Variants in LIMS1 observed in about 807,000 individuals in gnomAD.
LIMS1 encodes the protein LIM zinc finger domain containing 1, also known as LIM and senescent cell antigen-like-containing domain protein 1.
A neutral mutation model predicts 44.1 loss-of-function variants in LIMS1; 18 were observed. The ratio of observed to expected loss-of-function variants is 0.41; its 90% CI spans 0.28 to 0.61. LIMS1 has a LOEUF of 0.61. Ranked by LOEUF, LIMS1 falls within the 20% of genes least tolerant of loss-of-function variation. The probability of loss-of-function intolerance (pLI) is 0.32; values close to 1 mark genes in which losing one functional copy is unlikely to be tolerated. For missense variants in LIMS1, 201 were observed against 422.0 expected, an observed-to-expected ratio of 0.48 and a Z score of 4.59; for synonymous variants, 93 against 149.1, an observed-to-expected ratio of 0.62 and a Z score of 2.74.
exon 9 of LIMS1, chr2:108,680,738 C>T: frequency 6.2e-7 from 1 of 1,610,576 alleles, no homozygotes; most frequent in Non-Finnish European, 8.5e-7. Flanking sequence ...ACTGCTTTGC[C>T]TGTTCTACCT....
chr2:108,537,165 C>T (rs1328563897), intron 1 of LIMS1, among the ~76,000 whole-genome samples: 1 of 152,208 alleles, frequency 6.6e-6, no homozygotes, highest in Admixed American at 6.5e-5. Context: ...TGTGTCAACA[C>T]AGTCCACAAT....
chr2:108,584,254 A>G (rs1686007235), intron 1 of LIMS1, among the ~76,000 whole-genome samples: 1 of 152,194 alleles, frequency 6.6e-6, no homozygotes, highest in Admixed American at 6.5e-5. Flanking sequence ...GGCTTAGGGT[A>G]ACAGAGGAAA....
chr2:108,646,541 A>G (rs765904254), intron 1 of LIMS1, among the ~76,000 whole-genome samples: 1 of 152,236 alleles, frequency 6.6e-6, no homozygotes, highest in East Asian at 1.9e-4. Context: ...AAGATCTAAA[A>G]TCGACACCCT....
At chr2:108,541,254 A>C (rs1179302645) in intron 1 of LIMS1, among the ~76,000 whole-genome samples, 1 of 152,174 alleles carries the variant, frequency 6.6e-6, no homozygotes, top group African/African-American at 2.4e-5. Context: ...TTTATTTCTC[A>C]TTGGTAAATG....
intron 1 of LIMS1, among the ~76,000 whole-genome samples, chr2:108,575,553 G>A (rs917114593): frequency 6.6e-6 from 1 of 152,084 alleles, no homozygotes; most frequent in Admixed American, 6.6e-5. Flanking sequence ...TTTTGCTCTG[G>A]TGCATTTTCT....
chr2:108,680,858 G>C, intron 9 of LIMS1, 88 bp downstream of exon 9: 3 of 1,547,376 alleles, frequency 1.9e-6, no homozygotes, highest in Non-Finnish European at 1.7e-6. Flanking sequence ...TAGAAAAAGA[G>C]AATTATTTGA....
At chr2:108,535,214 G>C (rs1009803137) in intron 1 of LIMS1, among the ~76,000 whole-genome samples, 1 of 152,208 alleles carries the variant, frequency 6.6e-6, no homozygotes, top group Non-Finnish European at 1.5e-5. Context: ...GTTGCGGTAT[G>C]TTTTTATATG....
intron 2 of LIMS1, chr2:108,662,477 A>G (rs1223694852): frequency 1.0e-4 from 143 of 1,370,456 alleles, no homozygotes; most frequent in Non-Finnish European, 1.3e-4. Context: ...AATACCCAGA[A>G]CTAGGCTATT....
chr2:108,538,544 G>A (rs1383440219), intron 1 of LIMS1, among the ~76,000 whole-genome samples: 1 of 152,168 alleles, frequency 6.6e-6, no homozygotes, highest in Non-Finnish European at 1.5e-5. Flanking sequence ...CAGCACACCA[G>A]GAATCCAGGG....
intron 2 of LIMS1, among the ~76,000 whole-genome samples, chr2:108,665,161 A>G (rs1477237933): frequency 6.6e-6 from 1 of 152,234 alleles, no homozygotes; most frequent in African/African-American, 2.4e-5. Context: ...CCACAGGGAA[A>G]TGTCTGAGAA....
chr2:108,574,332 G>A (rs761214913), intron 1 of LIMS1, among the ~76,000 whole-genome samples: 10 of 152,346 alleles, frequency 6.6e-5, no homozygotes, highest in Non-Finnish European at 1.5e-4. Flanking sequence ...AGTTAAGGAT[G>A]TGTAGGTTAT....
chr2:108,653,137 C>T (rs1047821061), intron 1 of LIMS1, among the ~76,000 whole-genome samples: 1 of 151,998 alleles, frequency 6.6e-6, no homozygotes, highest in Non-Finnish European at 1.5e-5. Flanking sequence ...CCCCTGCTTC[C>T]AGTCCTATCT....
intron 1 of LIMS1, among the ~76,000 whole-genome samples, chr2:108,601,439 G>A (rs911157265): frequency 1.3e-5 from 2 of 152,194 alleles, no homozygotes; most frequent in East Asian, 3.9e-4. Context: ...AGTCACGAGT[G>A]CCCTTCGTGA....
rs73952506 is a variant in LIMS1 at position 108,613,283 on chromosome 2, G to A, written c.33-46322G>A. On this transcript the variant is annotated intron_variant, in intron 1 of 9. Transcript: ENST00000544547. The stretch of plus-strand genomic sequence containing the variant: ...CCTAGCTTTTTTCTTTTGTAAACTC[G>A]TAAAAGTCTTTATTATTAGAGTCAA... Among the ~76,000 whole-genome samples the A allele has an allele frequency of 5.2e-3, 794 of 152,242 alleles. 11 individuals carry two copies. The highest frequency in any genetic ancestry group is 0.018 in the African/African-American group (749 of 41,540).
At chr2:108,574,569 AGGAGG>A (rs760962365) in intron 1 of LIMS1, among the ~76,000 whole-genome samples, 87 of 152,170 alleles carry the variant, frequency 5.7e-4, no homozygotes, top group Non-Finnish European at 8.7e-4. Context: ...TGGGTTAGAG[AGGAGG>A]AGGAGTAGGG....
intron 1 of LIMS1, among the ~76,000 whole-genome samples, chr2:108,551,678 A>G (rs1014690311): frequency 1.4e-5 from 2 of 144,346 alleles, no homozygotes; most frequent in Non-Finnish European, 3.0e-5. Flanking sequence ...ATATATACAT[A>G]TATACACTGT....
intron 1 of LIMS1, among the ~76,000 whole-genome samples, chr2:108,592,346 A>G (rs1381698563): frequency 6.6e-6 from 1 of 152,162 alleles, no homozygotes; most frequent in Non-Finnish European, 1.5e-5. Flanking sequence ...TTATACCCCA[A>G]ATGTTGCCAC....
chr2:108,639,725 A>G (rs1274458862), intron 1 of LIMS1, among the ~76,000 whole-genome samples: 1 of 152,254 alleles, frequency 6.6e-6, no homozygotes, highest in African/African-American at 2.4e-5. Flanking sequence ...TGCTGGGATT[A>G]CAGACGTGAG....
Position 108,559,551 on chromosome 2 carries a change from CTATAAT to C in LIMS1, c.32+24961_32+24966del, listed in dbSNP as rs569783195. ...CACAGTGCTAGGTTTATATTAGAAACTATAATTATGAAGAAGCATGATAAAAATCTA... is the reference window on the plus strand; with the variant it reads ...CACAGTGCTAGGTTTATATTAGAAACTATGAAGAAGCATGATAAAAATCTA... On this transcript the variant is annotated intron_variant, in intron 1 of 9. Transcript: ENST00000544547. 2.1e-3 allele frequency among the ~76,000 whole-genome samples: 316 copies of C among 152,220 alleles called. 3 individuals are homozygous for C. The highest frequency in any genetic ancestry group is 7.3e-3 in the African/African-American group (302 of 41,524).
Sources: allele counts gnomAD v4.1 joint callset (sites outside exome capture counted in the v4.1 genomes callset), GRCh38; gene constraint gnomAD v4.1.1; transcripts MANE v1.5; gene names NCBI Gene and HGNC (gene_info 2026-07-23, HGNC 2026-07-21).